RBFOX1: variants seen among roughly 807,000 people sequenced by gnomAD.
RBFOX1 encodes the protein RNA binding protein fox-1 homolog 1.
A neutral mutation model predicts 57.7 loss-of-function variants in RBFOX1; 8 were observed. The ratio of observed to expected loss-of-function variants is 0.14; its 90% confidence interval spans 0.08 to 0.25. RBFOX1 has a LOEUF of 0.25. Ranked by LOEUF, RBFOX1 falls within the 10% of genes least tolerant of loss-of-function variation. RBFOX1 has a pLI of 1.00. For synonymous variants in RBFOX1, 326 were observed against 222.4 expected, an observed-to-expected ratio of 1.47 and a Z score of -4.15; for missense variants, 611 against 548.5, an observed-to-expected ratio of 1.11 and a Z score of -1.14.
chr16:6,494,002 T>A (rs1188751083), intron 2 of RBFOX1, among the ~76,000 whole-genome samples: 3 of 152,222 alleles, frequency 2.0e-5, no homozygotes, highest in Non-Finnish European at 2.9e-5. Context: ...TTGGCGATCA[T>A]TCCAGTGTAT....
chr16:6,089,748 T>C (rs17139361), intron 1 of RBFOX1, among the ~76,000 whole-genome samples: 2,505 of 152,160 alleles, frequency 0.016, 50 homozygotes, highest in African/African-American at 0.046. Context: ...AGGTGAAAGA[T>C]TGGCCAATAT....
intron 2 of RBFOX1, among the ~76,000 whole-genome samples, chr16:6,464,870 A>G: frequency 6.6e-6 from 1 of 152,238 alleles, no homozygotes; most frequent in South Asian, 2.1e-4. Context: ...GTAGTACTAT[A>G]CAGCAGTAGG....
chr16:6,407,569 C>CAGAGAGAGAGAGAGAGAGAGAGAG (rs71145224), intron 2 of RBFOX1, among the ~76,000 whole-genome samples: 1 of 25,914 alleles, frequency 3.9e-5, no homozygotes, highest in South Asian at 1.1e-3. Context: ...GTGTGTGTGA[C>CAGAGAGAGAGAGAGAGAGAGAGAG]AGAGAGAGAG....
intron 3 of RBFOX1, among the ~76,000 whole-genome samples, chr16:6,658,004 C>T (rs1293572286): frequency 6.6e-6 from 1 of 151,824 alleles, no homozygotes; most frequent in Admixed American, 6.6e-5. Context: ...TATTTGTGTA[C>T]CTCGATTTAT....
chr16:5,556,369 C>T (rs1446074239), intron 2 of RBFOX1, among the ~76,000 whole-genome samples: 5 of 152,220 alleles, frequency 3.3e-5, no homozygotes, highest in African/African-American at 7.2e-5. Flanking sequence ...TGAAATTGAG[C>T]TGTGAGCCGA....
chr16:6,450,775 ATATATATATATATACATAT>A (rs2094578677), intron 2 of RBFOX1, among the ~76,000 whole-genome samples: 1 of 35,196 alleles, frequency 2.8e-5, no homozygotes, highest in Non-Finnish European at 5.0e-5. Context: ...GTGTATATAT[ATATATATATATATACATAT>A]ATATATGTAT....
intron 1 of RBFOX1, among the ~76,000 whole-genome samples, chr16:6,185,692 A>C (rs1023320067): frequency 5.9e-5 from 9 of 152,366 alleles, no homozygotes; most frequent in African/African-American, 2.2e-4. Flanking sequence ...TAAATTGTTA[A>C]TGTCTGTTTT....
At chr16:6,509,918 A>T (rs1338707375) in intron 2 of RBFOX1, among the ~76,000 whole-genome samples, 1 of 152,204 alleles carries the variant, frequency 6.6e-6, no homozygotes, top group African/African-American at 2.4e-5. Context: ...ATCCCTGATA[A>T]TGCAGGAGAC....
chr16:6,803,810 G>A (rs1290719422), intron 3 of RBFOX1, among the ~76,000 whole-genome samples: 1 of 151,984 alleles, frequency 6.6e-6, no homozygotes, highest in African/African-American at 2.4e-5. Context: ...TGTACTGGGA[G>A]ATTCACAGGC....
At chr16:6,738,507 T>TA (rs1356345963) in intron 3 of RBFOX1, among the ~76,000 whole-genome samples, 2 of 151,986 alleles carry the variant, frequency 1.3e-5, no homozygotes, top group Non-Finnish European at 2.9e-5. Context: ...ATGTAGAACA[T>TA]AAAAAAACAG....
chr16:6,102,297 T>C (rs1295894540), intron 1 of RBFOX1, among the ~76,000 whole-genome samples: 3 of 152,156 alleles, frequency 2.0e-5, no homozygotes, highest in Admixed American at 2.0e-4. Flanking sequence ...TTAGAAAGAA[T>C]GTTGTGACAT....
chr16:6,025,585 C>T (rs1362465607), intron 1 of RBFOX1, among the ~76,000 whole-genome samples: 2 of 152,130 alleles, frequency 1.3e-5, no homozygotes, highest in Non-Finnish European at 2.9e-5. Context: ...CTGGGAGTAC[C>T]CTGAGAACAG....
At chr16:6,264,624 C>T (rs1448749902) in intron 1 of RBFOX1, among the ~76,000 whole-genome samples, 1 of 152,110 alleles carries the variant, frequency 6.6e-6, no homozygotes, top group Non-Finnish European at 1.5e-5. Flanking sequence ...TTTGCTCATA[C>T]TCTCCCCACC....
intron 3 of RBFOX1, among the ~76,000 whole-genome samples, chr16:5,630,367 G>C (rs2048468779): frequency 6.6e-6 from 1 of 152,090 alleles, no homozygotes; most frequent in South Asian, 2.1e-4. Flanking sequence ...TGAGGGAGGA[G>C]AATCGTTTGA....
chr16:5,625,521 T>G (rs2048323092), intron 3 of RBFOX1, among the ~76,000 whole-genome samples: 1 of 145,800 alleles, frequency 6.9e-6, no homozygotes, highest in Admixed American at 7.1e-5. Flanking sequence ...GGATTTACTC[T>G]TTTAATATTT....
chr16:7,155,762 C>CACAG lies in RBFOX1; in HGVS notation c.27+103667_27+103668insGACA, dbSNP rs1417873359. 1.6e-3 allele frequency among the ~76,000 whole-genome samples: 192 copies of CACAG among 122,916 alleles called. 2 individuals carry two copies. Among genetic ancestry groups the CACAG allele is most frequent in the Middle Eastern group, 4.5e-3 (1 of 220 alleles). 80.6% of individuals were successfully genotyped at this position (122,916 alleles called of 152,430 possible). A position where few individuals can be genotyped will look rare whatever the true frequency, so the allele number is the denominator to read the frequency against. On this transcript the variant is annotated intron_variant, in intron 4 of 15. Transcript: ENST00000550418. The stretch of plus-strand genomic sequence containing the variant: ...ATACACACACACACACACACACACA[C>CACAG]ACATATATATACAGACACATATATA...
intron 3 of RBFOX1, among the ~76,000 whole-genome samples, chr16:6,907,815 C>T (rs1048831312): frequency 6.7e-6 from 1 of 148,410 alleles, no homozygotes; most frequent in Non-Finnish European, 1.5e-5. Context: ...CTCAGGTGAA[C>T]CACCCGCCTC....
intron 4 of RBFOX1, among the ~76,000 whole-genome samples, chr16:5,899,335 A>T (rs1223257254): frequency 6.6e-6 from 1 of 152,158 alleles, no homozygotes; most frequent in Admixed American, 6.6e-5. Flanking sequence ...AGAGCCTGTC[A>T]TGCAGAAGCT....
chr16:7,178,826 G>A (rs1219892650), intron 4 of RBFOX1, among the ~76,000 whole-genome samples: 1 of 152,132 alleles, frequency 6.6e-6, no homozygotes, highest in Non-Finnish European at 1.5e-5. Flanking sequence ...CTGTTATTCT[G>A]CAAGTTATGT....
Sources: gnomAD v4.1 joint callset for allele counts (sites outside exome capture counted in the v4.1 genomes callset) on GRCh38, gnomAD v4.1.1 for gene constraint, MANE v1.5 for transcripts, NCBI Gene and HGNC (gene_info 2026-07-23, HGNC 2026-07-21) for gene names.